Variants in NOL10 observed in about 807,000 individuals in gnomAD.
NOL10 encodes nucleolar protein 10.
NOL10 carries 58 observed loss-of-function variants against 103.5 expected under a neutral mutation model. That is an observed-to-expected ratio of 0.56 (90% CI 0.45 to 0.70). The LOEUF (loss-of-function observed/expected upper bound fraction) is 0.70, where lower values mean the gene tolerates loss of function less well. Among genes scored for constraint, NOL10 ranks in the 30% least tolerant of loss-of-function variants. The pLI, the probability that NOL10 is intolerant of heterozygous loss-of-function variation, is 0.00. For missense variants in NOL10, 763 were observed against 807.3 expected (o/e 0.95, Z 0.67); for synonymous variants, 287 against 282.5 (o/e 1.02, Z -0.16).
At chr2:10,657,669 G>A (rs1679930133) in intron 11 of NOL10, 73 bp downstream of exon 11, 4 of 1,313,156 alleles carry the variant, frequency 3.0e-6, no homozygotes, top group Non-Finnish European at 3.1e-6. Flanking sequence ...CATAAAAAAG[G>A]AAAGGGAGAG....
At chr2:10,625,499 C>G (rs1402216728) in intron 13 of NOL10, among the ~76,000 whole-genome samples, 1 of 152,188 alleles carries the variant, frequency 6.6e-6, no homozygotes, top group Non-Finnish European at 1.5e-5. Flanking sequence ...GCAGATCTAA[C>G]CTTTCTTTCA....
intron 2 of NOL10, 55 bp from the exon 3 acceptor site, chr2:10,682,124 A>T (rs973233524): frequency 4.1e-6 from 3 of 730,218 alleles, no homozygotes; most frequent in Admixed American, 7.2e-5. Context: ...ATTCTCTATC[A>T]TAAGAAGACA....
chr2:10,662,919 A>G, intron 9 of NOL10, 40 bp downstream of exon 9: 3 of 1,429,610 alleles, frequency 2.1e-6, no homozygotes, highest in Non-Finnish European at 3.0e-6. Context: ...TTAAATTAAA[A>G]GTTGATGAAC....
At chr2:10,577,771 C>G (rs1434341131) in intron 19 of NOL10, 33 bp from the exon 20 acceptor site, 1 of 1,375,268 alleles carries the variant, frequency 7.3e-7, no homozygotes, top group Non-Finnish European at 1.0e-6. Flanking sequence ...CCACATTAAT[C>G]AAAATTATGT....
At position 10,577,700 on chromosome 2, in the gene NOL10, T is replaced by C. The variant is rs775535748; in HGVS notation, c.1883A>G (p.Asn628Ser). 2 of 1,612,512 alleles carry C rather than the reference T, an allele frequency of 1.2e-6. No individual in the cohort carries two copies. Among genetic ancestry groups the C allele is most frequent in the South Asian group, 1.1e-5 (1 of 90,690 alleles). Residue 628 changes from asparagine (N) to serine (S), a missense_variant, in exon 20 of 21, where the codon AAT becomes AGT. Physicochemically the swap from Asn to Ser is conservative, Grantham distance 46. Coordinates refer to ENST00000381685, the MANE Select transcript of NOL10 (RefSeq NM_024894.4). ...LEDRLKIEAKNGTLSVSDTTV... is the reference protein window; with the variant it reads ...LEDRLKIEAKSGTLSVSDTTV... ...GGTGTCGGATACACTCAATGTCCCA[T>C]TTTTTGCTTCAATTTTCAAACGATC...
At chr2:10,655,074 G>A (rs865883625) in intron 11 of NOL10, among the ~76,000 whole-genome samples, 22 of 151,870 alleles carry the variant, frequency 1.4e-4, no homozygotes, top group African/African-American at 5.3e-4. Flanking sequence ...GCCGGGCATC[G>A]TGGCCTGCAA....
intron 6 of NOL10, among the ~76,000 whole-genome samples, chr2:10,670,014 A>C (rs1219981232): frequency 6.6e-6 from 1 of 152,074 alleles, no homozygotes; most frequent in Non-Finnish European, 1.5e-5. Flanking sequence ...GGAATTCAAG[A>C]CCAGCCTGGG....
At chr2:10,580,241 T>C (rs887564254) in intron 19 of NOL10, among the ~76,000 whole-genome samples, 4 of 152,148 alleles carry the variant, frequency 2.6e-5, no homozygotes, top group African/African-American at 4.8e-5. Context: ...AATTCCTTAT[T>C]GAACAGAAAA....
At chr2:10,642,638 A>G (rs1285372293) in intron 13 of NOL10, among the ~76,000 whole-genome samples, 2 of 151,904 alleles carry the variant, frequency 1.3e-5, no homozygotes, top group African/African-American at 4.8e-5. Context: ...TACTGTCAAG[A>G]TCCGATCTAC....
At chr2:10,658,464 G>GTACA (rs1241597111) in intron 10 of NOL10, among the ~76,000 whole-genome samples, 1 of 152,078 alleles carries the variant, frequency 6.6e-6, no homozygotes, top group Non-Finnish European at 1.5e-5. Context: ...GGAGGCAAGT[G>GTACA]TACAGGCTCT....
chr2:10,617,953 G>C (rs188639172), intron 13 of NOL10, among the ~76,000 whole-genome samples: 3 of 152,264 alleles, frequency 2.0e-5, no homozygotes, highest in Admixed American at 6.5e-5. Context: ...AAGAAAAACT[G>C]GCATGGGGTT....
chr2:10,687,075 T>C (rs1199996303), intron 1 of NOL10, among the ~76,000 whole-genome samples: 1 of 152,054 alleles, frequency 6.6e-6, no homozygotes, highest in African/African-American at 2.4e-5. Flanking sequence ...TCTACATTAA[T>C]AAAAAGGTAA....
chr2:10,620,230 T>G (rs1027217129), intron 13 of NOL10, among the ~76,000 whole-genome samples: 2 of 152,234 alleles, frequency 1.3e-5, no homozygotes, highest in African/African-American at 4.8e-5. Context: ...ATAACTTTTC[T>G]GCATATTCTT....
chr2:10,681,783 A>G (rs1681777527), intron 3 of NOL10, among the ~76,000 whole-genome samples, 188 bp downstream of exon 3: 1 of 152,226 alleles, frequency 6.6e-6, no homozygotes. Context: ...CAAATACTGC[A>G]GAGTAAACTA....
rs192393201 is a variant in NOL10 at position 10,650,075 on chromosome 2, T to C, written c.973+4406A>G. Among the ~76,000 whole-genome samples the C allele has an allele frequency of 3.2e-3, 486 of 152,342 alleles. 4 individuals carry two copies. The highest frequency in any genetic ancestry group is 0.011 in the African/African-American group (458 of 41,580). On this transcript the variant is annotated intron_variant, in intron 12 of 20. Transcript: ENST00000381685. ...TCATTAAGAATGTTTTCTGACCAAA[T>C]TGTCAAACATTTCTTCATAAATATT... is the stretch of plus-strand genomic sequence containing the variant.
intron 13 of NOL10, among the ~76,000 whole-genome samples, chr2:10,635,828 G>A (rs895522245): frequency 7.9e-5 from 12 of 152,098 alleles, no homozygotes; most frequent in Non-Finnish European, 1.6e-4. Context: ...TTATAATATA[G>A]GAAGACAAAA....
intron 13 of NOL10, among the ~76,000 whole-genome samples, chr2:10,611,040 CTT>C (rs1676538151): frequency 6.6e-6 from 1 of 152,114 alleles, no homozygotes. Flanking sequence ...TCTTGAAACT[CTT>C]GAGAGCCTCC....
At chr2:10,669,511 T>TACACACACAC (rs1344903922) in intron 6 of NOL10, among the ~76,000 whole-genome samples, 4 of 95,126 alleles carry the variant, frequency 4.2e-5, no homozygotes, top group Admixed American at 1.1e-4. Context: ...CACACACATA[T>TACACACACAC]ATACACACAC....
intron 14 of NOL10, chr2:10,604,871 C>G (rs1243582997): frequency 7.2e-5 from 11 of 152,208 alleles, no homozygotes; most frequent in Admixed American, 7.2e-4. Context: ...ATGTTTCATA[C>G]TTTCCTTCCG....
Sources: allele counts gnomAD v4.1 joint callset (sites outside exome capture counted in the v4.1 genomes callset), GRCh38; gene constraint gnomAD v4.1.1; transcripts MANE v1.5; gene names NCBI Gene and HGNC (gene_info 2026-07-23, HGNC 2026-07-21).